SLC38A10: variants seen among roughly 807,000 people sequenced by gnomAD.
SLC38A10 encodes the protein solute carrier family 38 member 10, also known as Sodium-coupled neutral amino acid transporter 10.
SLC38A10 carries 53 observed loss-of-function variants against 81.0 expected under a neutral mutation model. That is an observed-to-expected ratio of 0.65 (90% CI 0.53 to 0.82). The LOEUF (loss-of-function observed/expected upper bound fraction) is 0.82, where lower values mean the gene tolerates loss of function less well. Ranked by LOEUF, SLC38A10 falls within the 40% of genes least tolerant of loss-of-function variation. The probability of loss-of-function intolerance (pLI) is 0.00; values close to 1 mark genes in which losing one functional copy is unlikely to be tolerated. For missense variants in SLC38A10, 1,471 were observed against 1,545.0 expected, an observed-to-expected ratio of 0.95 and a Z score of 0.80; for synonymous variants, 665 against 655.3, an observed-to-expected ratio of 1.01 and a Z score of -0.23.
Position 81,246,426 on chromosome 17 carries a change from C to G in SLC38A10, c.2490G>C (p.Gln830His). Residue 830 changes from glutamine to histidine, a missense_variant, in exon 16 of 16, where the codon CAG (glutamine) becomes CAC (histidine). Physicochemically the swap from Gln to His is conservative, Grantham distance 24. Around this residue, in one of 2 missense-constraint regions of SLC38A10, gnomAD observed 751 missense variants for 717.4 expected, o/e 1.05. Transcript: ENST00000374759. Reference sequence around the variant, plus strand: ...CCTTCTGGCCATCTCTCAGCTTGGCCTGGGCTGCCCGAGGCTCTGTGTCAG... The same window carrying G: ...CCTTCTGGCCATCTCTCAGCTTGGCGTGGGCTGCCCGAGGCTCTGTGTCAG... Reference protein sequence around the residue: ...GGPDTEPRAAQAKLRDGQKDA... With the variant: ...GGPDTEPRAAHAKLRDGQKDA... 1 of 1,598,550 alleles carries G rather than the reference C, an allele frequency of 6.3e-7. No homozygotes were observed. The highest frequency in any genetic ancestry group is 8.5e-7 in the Non-Finnish European group (1 of 1,173,426).
At chr17:81,249,326 GAAGGAGGGAAGAGGAGGA>G (rs2062884615) in intron 14 of SLC38A10, among the ~76,000 whole-genome samples, 1 of 30,880 alleles carries the variant, frequency 3.2e-5, no homozygotes, top group African/African-American at 2.1e-4. Context: ...GGAAGAGGAG[GAAGGAGGGAAGAGGAGGA>G]AGGAGGGAAG....
At chr17:81,250,976 C>T (rs1366208010) in intron 14 of SLC38A10, 1 of 1,330,642 alleles carries the variant, frequency 7.5e-7, no homozygotes, top group African/African-American at 1.5e-5. Context: ...CAGCCGAGCT[C>T]CGAGGCCCGA....
chr17:81,259,268 G>T (rs570523750), intron 11 of SLC38A10, among the ~76,000 whole-genome samples: 1 of 152,362 alleles, frequency 6.6e-6, no homozygotes, highest in East Asian at 1.9e-4. Flanking sequence ...CCCCCAGCCA[G>T]AGCCGGCACT....
rs1213188033 is a variant in SLC38A10, at chr17:81,253,646, T to C, written c.1289-406A>G. Among the ~76,000 whole-genome samples, 4 of 147,972 alleles carry C rather than the reference T, an allele frequency of 2.7e-5. No individual in the cohort carries two copies. Among genetic ancestry groups the C allele is most frequent in the Non-Finnish European group, 1.5e-5 (1 of 66,826 alleles). On this transcript the variant is annotated intron_variant, in intron 11 of 15. Transcript: ENST00000374759. The surrounding 1 kb of genome is among the most constrained non-coding windows in gnomAD (Gnocchi z 4.1). ...ACCATCATCTCCATCCCTACCACCA[T>C]CAACATCACCATCATCACCATCATC...
At position 81,283,600 on chromosome 17, in the gene SLC38A10, G is replaced by T; in HGVS notation, c.264-98C>A. 3.8e-6 allele frequency: 3 copies of T among 787,722 alleles called. No homozygotes were observed. Among genetic ancestry groups the T allele is most frequent in the Non-Finnish European group, 6.1e-6 (3 of 491,260 alleles). The allele number at this position is 787,722 out of a possible 1,614,324, so 48.8% of individuals were successfully genotyped here. On this transcript the variant is annotated intron_variant, in intron 3 of 15. Transcript: ENST00000374759. This position sits in a 1 kb window ranked among gnomAD's most constrained non-coding sequence, Gnocchi z 4.7. Reference sequence around the variant, plus strand: ...TACCCCAAGGCTGGGCTGAATGACAGATGTGATTTCTTTTTTCTTTTTTTT... The same window carrying T: ...TACCCCAAGGCTGGGCTGAATGACATATGTGATTTCTTTTTTCTTTTTTTT...
chr17:81,260,298 G>A lies in SLC38A10; in HGVS notation c.1228C>T (p.Pro410Ser), dbSNP rs765688913. 3.7e-6 allele frequency: 6 copies of A among 1,607,556 alleles called. No individual in the cohort carries two copies. The African/African-American group carries it at 5.3e-5, about 14-fold the overall frequency. ...EVPEDLAEEA[P>S]GGRLGEAEGL... ...TCGGCCTCTCCAAGCCGGCCGCCAG[G>A]GGCTTCCTCTGCCAAGTCCTCGGGG... is the stretch of plus-strand genomic sequence containing the variant. The change falls in exon 11 of 16, where the codon CCT (proline) becomes TCT (serine). Residue 410 changes from proline (P) to serine (S), a missense_variant. Physicochemically the swap from Pro to Ser is moderately conservative, Grantham distance 74. Around this residue, in one of 2 missense-constraint regions of SLC38A10, gnomAD observed 720 missense variants for 827.7 expected, o/e 0.87. Transcript: ENST00000374759.
At chr17:81,260,649 GC>G (rs1269003763) in intron 10 of SLC38A10, among the ~76,000 whole-genome samples, 1 of 152,250 alleles carries the variant, frequency 6.6e-6, no homozygotes, top group African/African-American at 2.4e-5. Flanking sequence ...ATGCGCCGCT[GC>G]CAGAGCATGG....
intron 14 of SLC38A10, chr17:81,247,282 C>T (rs2062861342): frequency 7.1e-6 from 3 of 421,412 alleles, no homozygotes; most frequent in Non-Finnish European, 1.2e-5. Flanking sequence ...GCCCTGACTG[C>T]CCCTGGAAGC....
chr17:81,290,553 G>A (rs1195927547), intron 1 of SLC38A10, among the ~76,000 whole-genome samples: 1 of 152,196 alleles, frequency 6.6e-6, no homozygotes, highest in African/African-American at 2.4e-5. Flanking sequence ...ACTCAGAAAA[G>A]GCAAACTTTT....
Position 81,251,580 on chromosome 17 carries a change from C to T in SLC38A10, c.1978G>A (p.Ala660Thr). ...TCGGGCGGCAGCCCAGGCCCTGGAGCCGGCTTCTCCGCTGGGAGGGGAGGC... is the reference window on the plus strand; with the variant it reads ...TCGGGCGGCAGCCCAGGCCCTGGAGTCGGCTTCTCCGCTGGGAGGGGAGGC... The part of the protein sequence containing the change: ...GKPPLPAEKP[A>T]PGPGLPPEPR... Residue 660 changes from alanine to threonine, a missense_variant, in exon 14 of 16, where the codon GCT becomes ACT. Around this residue, in one of 2 missense-constraint regions of SLC38A10, gnomAD observed 751 missense variants for 717.4 expected, o/e 1.05. Coordinates refer to ENST00000374759, the MANE Select transcript of SLC38A10 (RefSeq NM_001037984.3). 1 of 1,494,594 alleles carries T rather than the reference C, an allele frequency of 6.7e-7. No homozygotes were observed. Among genetic ancestry groups the T allele is most frequent in the Non-Finnish European group, 8.9e-7 (1 of 1,128,856 alleles). 92.6% of individuals were successfully genotyped at this position (1,494,594 alleles called of 1,614,324 possible).
At chr17:81,247,523 G>C (rs185826347) in intron 14 of SLC38A10, 1 of 153,868 alleles carries the variant, frequency 6.5e-6, no homozygotes, top group Non-Finnish European at 1.4e-5. Flanking sequence ...GTTGTTCTAG[G>C]ACAAGCACGT....
chr17:81,278,033 G>A (rs967959970), intron 6 of SLC38A10, among the ~76,000 whole-genome samples: 2 of 151,728 alleles, frequency 1.3e-5, no homozygotes, highest in Admixed American at 6.6e-5. Flanking sequence ...TAGGTGGGCC[G>A]GGGGAGGGCG....
At position 81,272,509 on chromosome 17, in the gene SLC38A10, G is replaced by A. The variant is rs769091319; in HGVS notation, c.1024+7C>T. 1.2e-5 allele frequency: 19 copies of A among 1,579,760 alleles called. No homozygotes were observed. Among genetic ancestry groups the A allele is most frequent in the Admixed American group, 5.7e-5 (3 of 53,094 alleles). ...TCCCCGGCAACAGGGCAGCCCTCCC[G>A]CCTTACCGTTGGGGATAAGGATGCC... On this transcript the variant is annotated splice_region_variant and intron_variant, in intron 9 of 15. Transcript: ENST00000374759.
At chr17:81,247,969 T>C (rs2146877833) in intron 14 of SLC38A10, among the ~76,000 whole-genome samples, 1 of 142,218 alleles carries the variant, frequency 7.0e-6, no homozygotes, top group Non-Finnish European at 1.5e-5. Flanking sequence ...TTTTTTTTTT[T>C]TTTTTGAGAC....
intron 9 of SLC38A10, among the ~76,000 whole-genome samples, chr17:81,271,747 G>A (rs990043740): frequency 7.2e-5 from 10 of 139,004 alleles, no homozygotes; most frequent in African/African-American, 2.7e-4. Context: ...CAAGCTGACA[G>A]ATTTTTTTTT....
At chr17:81,247,909 T>C (rs1222908606) in intron 14 of SLC38A10, among the ~76,000 whole-genome samples, 2 of 151,656 alleles carry the variant, frequency 1.3e-5, no homozygotes, top group Admixed American at 1.3e-4. Flanking sequence ...TTCTAGAAAG[T>C]TTCCTCCGAG....
Position 81,246,074 on chromosome 17 carries a change from C to T in SLC38A10, c.2842G>A (p.Ala948Thr). The T allele has an allele frequency of 1.9e-6, 3 of 1,608,838 alleles. No homozygotes were observed. The highest frequency in any genetic ancestry group is 2.5e-6 in the Non-Finnish European group (3 of 1,179,658). ...AACACAGCCTGGGGCTGTGCAGCTGCTCCTTCCGCCCCACCGGGCAGGTCC... is the reference window on the plus strand; with the variant it reads ...AACACAGCCTGGGGCTGTGCAGCTGTTCCTTCCGCCCCACCGGGCAGGTCC... ...AADLPGGAEG[A>T]AAQPQAVLRQ... The change falls in exon 16 of 16, where the codon GCA becomes ACA. Residue 948 changes from alanine (A) to threonine (T), a missense_variant. This residue lies in a region of SLC38A10 where 751 missense variants were observed against 717.4 expected (regional missense o/e 1.05). Transcript: ENST00000374759.
In SLC38A10 at chr17:81,246,219, C is replaced by A; in HGVS notation, c.2697G>T (p.Val899=). 6.2e-7 allele frequency: 1 copy of A among 1,612,774 alleles called. No homozygotes were observed. Among genetic ancestry groups the A allele is most frequent in the African/African-American group, 1.3e-5 (1 of 75,076 alleles). The change falls in exon 16 of 16, where the codon GTG becomes GTT. Residue 899 remains valine (V), a synonymous_variant. Transcript: ENST00000374759. ...TCAGAATGCTGGTGCCAGTGGCTGC[C>A]ACCTCCTTCCCAGGTTTTTTCCTGT... ...SQDRKKPGKE[V]AATGTSILKE...
chr17:81,278,353 C>T (rs1304112085), intron 6 of SLC38A10, among the ~76,000 whole-genome samples: 1 of 152,082 alleles, frequency 6.6e-6, no homozygotes, highest in Admixed American at 6.5e-5. Context: ...CACTGCACTC[C>T]AGCTTGGGTG....
Sources: allele counts gnomAD v4.1 joint callset (sites outside exome capture counted in the v4.1 genomes callset), GRCh38; gene constraint gnomAD v4.1.1; regional missense constraint gnomAD v4.1.1; non-coding constraint Gnocchi (gnomAD v3.1); transcripts MANE v1.5; gene names NCBI Gene and HGNC (gene_info 2026-07-23, HGNC 2026-07-21).